Variants in DNAI4 observed in about 807,000 individuals in gnomAD.
DNAI4 encodes WD repeat domain 78.
DNAI4 carries 85 observed loss-of-function variants against 105.8 expected under a neutral mutation model. The ratio of observed to expected loss-of-function variants is 0.80; its 90% CI spans 0.67 to 0.96. The LOEUF (loss-of-function observed/expected upper bound fraction) is 0.96, where lower values mean the gene tolerates loss of function less well. Ranked by LOEUF, DNAI4 falls within the 40% of genes least tolerant of loss-of-function variation. The pLI is 0.00. For missense variants in DNAI4, 1,014 were observed against 1,005.6 expected, an observed-to-expected ratio of 1.01 and a Z score of -0.11; for synonymous variants, 352 against 331.5, an observed-to-expected ratio of 1.06 and a Z score of -0.67.
intron 2 of DNAI4, among the ~76,000 whole-genome samples, chr1:66,902,597 T>C (rs1407453036): frequency 2.6e-5 from 4 of 152,224 alleles, no homozygotes; most frequent in South Asian, 2.1e-4. Context: ...TAGCTGCATA[T>C]GCTTTTGTTG....
intron 8 of DNAI4, among the ~76,000 whole-genome samples, chr1:66,841,688 T>C (rs1231180549): frequency 1.3e-5 from 2 of 152,192 alleles, no homozygotes; most frequent in African/African-American, 4.8e-5. Flanking sequence ...ATCTCTTTTC[T>C]ACATATGCCA....
In DNAI4 at chr1:66,890,835, A is replaced by G; in HGVS notation, c.643+319T>C. On this transcript the variant is annotated intron_variant, in intron 4 of 16. Coordinates refer to ENST00000371026, the MANE Select transcript of DNAI4 (RefSeq NM_024763.5). The surrounding 1 kb of genome is among the most constrained non-coding windows in gnomAD (Gnocchi z 4.1). The stretch of plus-strand genomic sequence containing the variant: ...AAAAGAAGAGGAAAAGAGGAAGAGG[A>G]AGAAAAGGAAGAGGAAGAAGAAGAG... 1 of 361,454 alleles carries G rather than the reference A, an allele frequency of 2.8e-6. No homozygotes were observed. The highest frequency in any genetic ancestry group is 5.1e-6 in the Non-Finnish European group (1 of 195,724). 22.4% of individuals were successfully genotyped at this position (361,454 alleles called of 1,614,324 possible).
chr1:66,908,125 C>G (rs747162444), intron 1 of DNAI4, among the ~76,000 whole-genome samples: 1 of 152,138 alleles, frequency 6.6e-6, no homozygotes, highest in Non-Finnish European at 1.5e-5. Context: ...TCCAATTATC[C>G]TCTTACTTTG....
chr1:66,897,401 C>A (rs1263748390), intron 2 of DNAI4, among the ~76,000 whole-genome samples: 1 of 152,188 alleles, frequency 6.6e-6, no homozygotes, highest in East Asian at 1.9e-4. Flanking sequence ...TTGGAAAAGT[C>A]TCAGCCTGGC....
rs918713323 is a variant in DNAI4 at position 66,824,559 on chromosome 1, T to C, written c.2340-2042A>G. 4.3e-4 allele frequency among the ~76,000 whole-genome samples: 65 copies of C among 151,922 alleles called. 1 individual carries two copies. Among genetic ancestry groups the C allele is most frequent in the Middle Eastern group, 3.4e-3 (1 of 294 alleles). On this transcript the variant is annotated intron_variant, in intron 15 of 16. Transcript: ENST00000371026. ...CCCATGAGCATGGAATGTTCTTCCA[T>C]TTGTTTGTATCCTCTTTTATTTCCT...
chr1:66,893,498 G>T (rs746816601), intron 2 of DNAI4, 85 bp from the exon 3 acceptor site: 1 of 1,001,456 alleles, frequency 1.0e-6, no homozygotes. Flanking sequence ...AAACAAATAT[G>T]GTAGAAAAAA....
At chr1:66,833,931 T>C in intron 12 of DNAI4, 60 bp downstream of exon 12, 1 of 1,525,908 alleles carries the variant, frequency 6.6e-7, no homozygotes, top group East Asian at 2.3e-5. Context: ...CACACATGGT[T>C]AACTAGAAAA....
At chr1:66,828,845 T>C (rs113184916) in intron 13 of DNAI4, among the ~76,000 whole-genome samples, 2 of 152,288 alleles carry the variant, frequency 1.3e-5, no homozygotes, top group African/African-American at 2.4e-5. Flanking sequence ...TTCTGAAAGG[T>C]TTTTGTGTAT....
At chr1:66,877,864 T>C (rs900227285) in intron 4 of DNAI4, among the ~76,000 whole-genome samples, 5 of 152,214 alleles carry the variant, frequency 3.3e-5, no homozygotes, top group East Asian at 3.8e-4. Context: ...ACAAGTGTTA[T>C]GGGTTTCTGG....
chr1:66,913,409 T>C lies in DNAI4; in HGVS notation c.171-8034A>G, dbSNP rs2985813. 3.6e-3 allele frequency among the ~76,000 whole-genome samples: 545 copies of C among 152,294 alleles called. 2 individuals carry two copies. The highest frequency in any genetic ancestry group is 0.013 in the African/African-American group (530 of 41,542). ...CTTAATTCGGTTTGTCTGTGTGCAT[T>C]TGGATGAGGAACTGAACTGTTGTTT... On this transcript the variant is annotated intron_variant, in intron 1 of 16. Coordinates refer to ENST00000371026, the MANE Select transcript of DNAI4 (RefSeq NM_024763.5).
intron 7 of DNAI4, among the ~76,000 whole-genome samples, 161 bp downstream of exon 7, chr1:66,861,986 T>G (rs779834679): frequency 6.6e-6 from 1 of 152,182 alleles, no homozygotes; most frequent in Non-Finnish European, 1.5e-5. Flanking sequence ...ATTTTTCAGT[T>G]AAGTCCAAGA....
At chr1:66,871,542 T>C (rs1454235846) in intron 5 of DNAI4, 33 bp from the exon 6 acceptor site, 2 of 1,527,320 alleles carry the variant, frequency 1.3e-6, no homozygotes, top group African/African-American at 1.4e-5. Context: ...AACTCATTAA[T>C]AAGAATCATC....
intron 16 of DNAI4, among the ~76,000 whole-genome samples, chr1:66,820,586 C>T (rs1039702034): frequency 5.9e-5 from 9 of 151,688 alleles, no homozygotes; most frequent in African/African-American, 1.9e-4. Context: ...ATATAAAATG[C>T]ATAAGCAAGT....
Position 66,905,228 on chromosome 1 carries a change from T to C in DNAI4, c.318A>G (p.Lys106=). 6.5e-7 allele frequency: 1 copy of C among 1,547,746 alleles called. No homozygotes were observed. The highest frequency in any genetic ancestry group is 2.3e-5 in the East Asian group (1 of 43,854). Reference sequence around the variant, plus strand: ...GTGTTGTCTTTATATTGGGATTTGGTTTTTCTACAGTTTTCAGTTCAGGTG... The same window carrying C: ...GTGTTGTCTTTATATTGGGATTTGGCTTTTCTACAGTTTTCAGTTCAGGTG... ...LIPPELKTVE[K]PNPNIKTTQV... The change falls in exon 2 of 17, where the codon AAA becomes AAG. Residue 106 remains lysine, a synonymous_variant. Coordinates refer to ENST00000371026, the MANE Select transcript of DNAI4 (RefSeq NM_024763.5).
At chr1:66,899,408 A>G (rs1342329870) in intron 2 of DNAI4, among the ~76,000 whole-genome samples, 1 of 152,178 alleles carries the variant, frequency 6.6e-6, no homozygotes. Context: ...TTGAGAAATG[A>G]GCATTCAGAT....
chr1:66,872,668 T>C (rs188912056), intron 5 of DNAI4, among the ~76,000 whole-genome samples: 1 of 152,220 alleles, frequency 6.6e-6, no homozygotes, highest in East Asian at 1.9e-4. Context: ...ATTTTTTCTA[T>C]TTTTATTTTT....
intron 7 of DNAI4, among the ~76,000 whole-genome samples, chr1:66,859,511 C>T (rs1014796966): frequency 3.3e-5 from 5 of 152,000 alleles, no homozygotes; most frequent in African/African-American, 7.2e-5. Context: ...TGTTTATAAC[C>T]GTTTTATTCG....
At chr1:66,849,043 C>T (rs1646338708) in intron 7 of DNAI4, among the ~76,000 whole-genome samples, 1 of 152,132 alleles carries the variant, frequency 6.6e-6, no homozygotes, top group African/African-American at 2.4e-5. Context: ...TGATAGTGGT[C>T]CCCTTCCTAC....
intron 16 of DNAI4, among the ~76,000 whole-genome samples, chr1:66,819,146 C>T (rs2100307035): frequency 6.6e-6 from 1 of 152,180 alleles, no homozygotes; most frequent in South Asian, 2.1e-4. Flanking sequence ...CAAGCAACTT[C>T]CTTACCAGTC....
Sources: gnomAD v4.1 joint callset for allele counts (sites outside exome capture counted in the v4.1 genomes callset) on GRCh38, gnomAD v4.1.1 for gene constraint, Gnocchi (gnomAD v3.1) non-coding constraint, MANE v1.5 for transcripts, NCBI Gene and HGNC (gene_info 2026-07-23, HGNC 2026-07-21) for gene names.